Variants in SETD5 observed in about 807,000 individuals in gnomAD.
SETD5 encodes the protein SET domain containing 5.
In SETD5, 44 loss-of-function variants were observed where a neutral mutation model predicts 153.3. The observed-to-expected ratio is 0.29, with a 90% CI of 0.23 to 0.37. SETD5 has a LOEUF of 0.37. Ranked by LOEUF, SETD5 falls within the 10% of genes least tolerant of loss-of-function variation. The pLI, the probability that SETD5 is intolerant of heterozygous loss-of-function variation, is 1.00. For synonymous variants in SETD5, 716 were observed against 645.2 expected (o/e 1.11, Z -1.66); for missense variants, 1,544 against 1,768.0 (o/e 0.87, Z 2.27).
At chr3:9,474,059 G>T (rs2125613976) in intron 20 of SETD5, among the ~76,000 whole-genome samples, 1 of 152,266 alleles carries the variant, frequency 6.6e-6, no homozygotes, top group East Asian at 1.9e-4. Context: ...CAGGGATCTT[G>T]AACTGAAAAA....
intron 2 of SETD5, among the ~76,000 whole-genome samples, chr3:9,426,480 T>G (rs2039266551): frequency 6.6e-6 from 1 of 151,288 alleles, no homozygotes; most frequent in African/African-American, 2.4e-5. Flanking sequence ...CACTGCAACC[T>G]CCACCTCCTG....
intron 19 of SETD5, among the ~76,000 whole-genome samples, chr3:9,472,939 T>G (rs1022779604): frequency 6.6e-6 from 1 of 152,180 alleles, no homozygotes; most frequent in African/African-American, 2.4e-5. Context: ...ACCTCACAAG[T>G]TTTTCTGAAG....
chr3:9,454,777 A>G (rs2043033150), intron 17 of SETD5, among the ~76,000 whole-genome samples: 1 of 152,080 alleles, frequency 6.6e-6, no homozygotes, highest in Admixed American at 6.6e-5. Context: ...AGCACTTGTG[A>G]TATCTTAATG....
rs1276388793 is a variant in SETD5 at position 9,397,727 on chromosome 3, A to T, written c.-427A>T. 1 of 172,756 alleles carries T rather than the reference A, an allele frequency of 5.8e-6. No individual in the cohort carries two copies. Among genetic ancestry groups the T allele is most frequent in the East Asian group, 1.7e-4 (1 of 5,854 alleles). The allele number at this position is 172,756 out of a possible 1,614,324, so 10.7% of individuals were successfully genotyped here. A position where few individuals can be genotyped will look rare whatever the true frequency, so the allele number is the denominator to read the frequency against. On this transcript the variant is annotated 5_prime_UTR_variant, in exon 1 of 23. Coordinates refer to ENST00000402198, the MANE Select transcript of SETD5 (RefSeq NM_001080517.3). ...GGCCGCCGCCCGCCTGCGCTCAGAG[A>T]CTCACGCAGCCCCAGTCCCGCCAGT...
At chr3:9,420,670 A>G (rs1166974225) in intron 1 of SETD5, among the ~76,000 whole-genome samples, 1 of 152,186 alleles carries the variant, frequency 6.6e-6, no homozygotes, top group Non-Finnish European at 1.5e-5. Flanking sequence ...CCGAACCCCT[A>G]AAATTCTTTG....
Position 9,397,678 on chromosome 3 carries a change from C to T in SETD5, c.-476C>T, listed in dbSNP as rs1357754579. ...CCGCCGCCGCCGCCGCCGCCGCCGC[C>T]GCCGCCGCTGCCGGGGGAGGGGCGG... On this transcript the variant is annotated 5_prime_UTR_variant, in exon 1 of 23. Transcript: ENST00000402198. 5.5e-6 allele frequency: 1 copy of T among 180,480 alleles called. No individual in the cohort carries two copies. 11.2% of individuals were successfully genotyped at this position (180,480 alleles called of 1,614,324 possible). A position where few individuals can be genotyped will look rare whatever the true frequency, so the allele number is the denominator to read the frequency against.
intron 1 of SETD5, among the ~76,000 whole-genome samples, chr3:9,408,248 A>G (rs1009522015): frequency 2.0e-5 from 3 of 152,098 alleles, no homozygotes; most frequent in African/African-American, 4.8e-5. Flanking sequence ...CTGTGCTGCG[A>G]TTTATCTGTT....
In SETD5 at chr3:9,475,960, T is replaced by C; in HGVS notation, c.4198T>C (p.Tyr1400His). ...GCCCAGTGCTGGGCAGTCAGCTGTC[T>C]ACCAGGCCTCCAGGGTATCTGCGGT... ...SLPSAGQSAV[Y>H]QASRVSAVSN... Residue 1400 changes from tyrosine (Y) to histidine (H), a missense_variant, in exon 23 of 23, where the codon TAC (tyrosine) becomes CAC (histidine). Physicochemically the swap from Tyr to His is moderately conservative, Grantham distance 83. Transcript: ENST00000402198. 1 of 1,614,016 alleles carries C rather than the reference T, an allele frequency of 6.2e-7. No homozygotes were observed. Among genetic ancestry groups the C allele is most frequent in the Non-Finnish European group, 8.5e-7 (1 of 1,179,900 alleles).
At chr3:9,430,744 G>A in intron 3 of SETD5, 1 of 840,252 alleles carries the variant, frequency 1.2e-6, no homozygotes, top group Non-Finnish European at 1.4e-6. Flanking sequence ...TACAATTGGT[G>A]TTTTCCCCAA....
At chr3:9,440,197 T>C (rs189486145) in intron 7 of SETD5, among the ~76,000 whole-genome samples, 7 of 152,340 alleles carry the variant, frequency 4.6e-5, no homozygotes, top group African/African-American at 1.4e-4. Flanking sequence ...GATGAAACTA[T>C]GATCCAGATT....
At chr3:9,407,293 A>G (rs1575172129) in intron 1 of SETD5, among the ~76,000 whole-genome samples, 2 of 152,198 alleles carry the variant, frequency 1.3e-5, no homozygotes, top group Non-Finnish European at 1.5e-5. Context: ...GTGCCACTGC[A>G]TTCCAGCCTG....
chr3:9,449,613 C>T (rs1364443857), intron 16 of SETD5: 6 of 152,208 alleles, frequency 3.9e-5, no homozygotes, highest in Non-Finnish European at 8.8e-5. Context: ...CCTGACTCCT[C>T]CAAACTTAAA....
In SETD5 at chr3:9,477,743, T is replaced by C. The variant is rs961957537; in HGVS notation, c.*1652T>C. On this transcript the variant is annotated 3_prime_UTR_variant, in exon 23 of 23. Transcript: ENST00000402198. ...GCAGAGTACTTTTCTTTTTGTTGTTTCCCCCACAAACCCATCAGTCTGGGA... is the reference window on the plus strand; with the variant it reads ...GCAGAGTACTTTTCTTTTTGTTGTTCCCCCCACAAACCCATCAGTCTGGGA... 2.0e-5 allele frequency: 3 copies of C among 151,968 alleles called. No homozygotes were observed. Among genetic ancestry groups the C allele is most frequent in the Non-Finnish European group, 4.4e-5 (3 of 67,922 alleles). The allele number at this position is 151,968 out of a possible 1,614,324, so 9.4% of individuals were successfully genotyped here. A position where few individuals can be genotyped will look rare whatever the true frequency, so the allele number is the denominator to read the frequency against.
At chr3:9,455,231 G>A (rs1338492203) in intron 17 of SETD5, among the ~76,000 whole-genome samples, 3 of 116,318 alleles carry the variant, frequency 2.6e-5, no homozygotes, top group Admixed American at 2.4e-4. Flanking sequence ...TCAGCCTCCC[G>A]AGTAACTGGG....
chr3:9,469,267 C>T (rs2045016870), intron 18 of SETD5, among the ~76,000 whole-genome samples: 1 of 152,126 alleles, frequency 6.6e-6, no homozygotes, highest in Non-Finnish European at 1.5e-5. Context: ...CTCACAAACC[C>T]TACTGCTGTG....
chr3:9,444,493 A>T (rs1006133231), intron 11 of SETD5, among the ~76,000 whole-genome samples: 5 of 152,186 alleles, frequency 3.3e-5, no homozygotes, highest in African/African-American at 1.2e-4. Context: ...TGCCTGCTAA[A>T]TAGCCAATAA....
At chr3:9,445,970 T>G (rs1428655735) in intron 13 of SETD5, among the ~76,000 whole-genome samples, 6 of 145,820 alleles carry the variant, frequency 4.1e-5, no homozygotes, top group Non-Finnish European at 6.0e-5. Context: ...AGGTTGTTTT[T>G]TTTTTTTTTT....
intron 18 of SETD5, among the ~76,000 whole-genome samples, chr3:9,469,368 C>A (rs2045029023): frequency 6.6e-6 from 1 of 152,156 alleles, no homozygotes; most frequent in Non-Finnish European, 1.5e-5. Flanking sequence ...ATACATGGGA[C>A]CTTTTTTCTC....
chr3:9,445,967 T>G (rs1322521429), intron 13 of SETD5, among the ~76,000 whole-genome samples: 9 of 133,628 alleles, frequency 6.7e-5, no homozygotes, highest in African/African-American at 2.7e-4. Context: ...AAGAGGTTGT[T>G]TTTTTTTTTT....
Sources: allele counts gnomAD v4.1 joint callset (sites outside exome capture counted in the v4.1 genomes callset), GRCh38; gene constraint gnomAD v4.1.1; transcripts MANE v1.5; gene names NCBI Gene and HGNC (gene_info 2026-07-23, HGNC 2026-07-21).